The following SMPD3 variants were observed in gnomAD, a reference collection of about 807,000 sequenced individuals.
The protein encoded by SMPD3 is nSMase-2.
SMPD3 carries 21 observed loss-of-function variants against 55.7 expected under a neutral mutation model. The ratio of observed to expected loss-of-function variants is 0.38; its 90% CI spans 0.27 to 0.54. SMPD3 has a LOEUF of 0.54. Ranked by LOEUF, SMPD3 falls within the 20% of genes least tolerant of loss-of-function variation. The pLI is 0.80. For synonymous variants in SMPD3, 457 were observed against 404.3 expected (o/e 1.13, Z -1.56); for missense variants, 842 against 899.6 (o/e 0.94, Z 0.82).
At chr16:68,420,987 G>C (rs2152024362) in intron 1 of SMPD3, among the ~76,000 whole-genome samples, 1 of 152,274 alleles carries the variant, frequency 6.6e-6, no homozygotes, top group Admixed American at 6.5e-5. Context: ...AAAATCATTT[G>C]TGGAGAAAAG....
intron 1 of SMPD3, among the ~76,000 whole-genome samples, chr16:68,444,972 G>A (rs989402462): frequency 6.6e-6 from 1 of 152,234 alleles, no homozygotes; most frequent in African/African-American, 2.4e-5. Flanking sequence ...CCTTTGCAGA[G>A]CTGCAGAGCT....
chr16:68,405,894 G>A (rs1003455468), intron 1 of SMPD3, among the ~76,000 whole-genome samples: 7 of 152,182 alleles, frequency 4.6e-5, no homozygotes, highest in Non-Finnish European at 7.3e-5. Context: ...CAGAGCTGTC[G>A]TCCGCCCTTA....
intron 1 of SMPD3, among the ~76,000 whole-genome samples, chr16:68,408,514 A>T: frequency 6.6e-6 from 1 of 152,232 alleles, no homozygotes; most frequent in Non-Finnish European, 1.5e-5. Flanking sequence ...TGAGAAGTAA[A>T]GCCTGGGCAA....
In SMPD3 at chr16:68,358,512, G is replaced by T. The variant is rs1200706378; in HGVS notation, c.*2694C>A. On this transcript the variant is annotated 3_prime_UTR_variant, in exon 9 of 9. Transcript: ENST00000219334. ...CAAAACCATAGGTGTGCTTACCATA[G>T]AAAACCCCTAATGTCCCATGAAGAT... The T allele has an allele frequency of 6.6e-6, 1 of 152,556 alleles. No homozygotes were observed. 9.5% of individuals were successfully genotyped at this position (152,556 alleles called of 1,614,324 possible). A position where few individuals can be genotyped will look rare whatever the true frequency, so the allele number is the denominator to read the frequency against.
chr16:68,364,972 A>T (rs141322661), intron 4 of SMPD3, 45 bp downstream of exon 4: 1 of 1,613,942 alleles, frequency 6.2e-7, no homozygotes, highest in Admixed American at 1.7e-5. Flanking sequence ...GGCCCCAGGC[A>T]CTGATCCCAT....
chr16:68,365,935 C>T (rs113099758), intron 3 of SMPD3, among the ~76,000 whole-genome samples: 5 of 152,324 alleles, frequency 3.3e-5, no homozygotes, highest in Admixed American at 1.3e-4. Flanking sequence ...GTGCTCAGCC[C>T]AGGAGAGGTG....
intron 3 of SMPD3, chr16:68,368,069 TACTTC>T (rs994086217): frequency 2.6e-5 from 4 of 152,270 alleles, no homozygotes; most frequent in African/African-American, 7.2e-5. Flanking sequence ...CAGCCCCACG[TACTTC>T]ACTTCTCCGC....
At chr16:68,443,803 T>C (rs937689167) in intron 1 of SMPD3, among the ~76,000 whole-genome samples, 1 of 152,252 alleles carries the variant, frequency 6.6e-6, no homozygotes, top group African/African-American at 2.4e-5. Flanking sequence ...AATAATCCAA[T>C]AGTTCAGTTT....
intron 1 of SMPD3, among the ~76,000 whole-genome samples, chr16:68,390,591 T>G (rs967804616): frequency 6.6e-6 from 1 of 151,986 alleles, no homozygotes; most frequent in Non-Finnish European, 1.5e-5. Flanking sequence ...AGCCCAGGAG[T>G]TCAAGGCTGC....
intron 1 of SMPD3, among the ~76,000 whole-genome samples, chr16:68,396,962 A>C (rs2090162719): frequency 6.6e-6 from 1 of 152,186 alleles, no homozygotes; most frequent in Non-Finnish European, 1.5e-5. Context: ...TGTGCCAGGC[A>C]CTGTGTTCAG....
chr16:68,435,567 A>C (rs2090516950), intron 1 of SMPD3, among the ~76,000 whole-genome samples: 1 of 147,018 alleles, frequency 6.8e-6, no homozygotes, highest in African/African-American at 2.5e-5. Flanking sequence ...ACAGACAGGA[A>C]GGGCTGGGGC....
At chr16:68,366,877 A>G (rs1463783438) in intron 3 of SMPD3, among the ~76,000 whole-genome samples, 4 of 152,064 alleles carry the variant, frequency 2.6e-5, no homozygotes, top group Admixed American at 2.6e-4. Flanking sequence ...GCGTGGTGGT[A>G]TGTGCCTGTA....
intron 7 of SMPD3, among the ~76,000 whole-genome samples, chr16:68,362,674 T>G (rs1350524216): frequency 6.6e-6 from 1 of 152,254 alleles, no homozygotes; most frequent in East Asian, 1.9e-4. Context: ...AAACATGGGC[T>G]TCCACAAGGT....
At chr16:68,399,239 G>C (rs2090186260) in intron 1 of SMPD3, among the ~76,000 whole-genome samples, 1 of 152,182 alleles carries the variant, frequency 6.6e-6, no homozygotes, top group Admixed American at 6.5e-5. Context: ...GCTGTGCAGT[G>C]AGGTCCCATT....
chr16:68,373,299 A>T, intron 2 of SMPD3, among the ~76,000 whole-genome samples: 1 of 152,232 alleles, frequency 6.6e-6, no homozygotes, highest in Non-Finnish European at 1.5e-5. Flanking sequence ...TCAGAGCTCC[A>T]CCTAGGCAAG....
At chr16:68,380,245 A>C (rs2089918452) in intron 2 of SMPD3, among the ~76,000 whole-genome samples, 1 of 152,258 alleles carries the variant, frequency 6.6e-6, no homozygotes, top group South Asian at 2.1e-4. Flanking sequence ...TATCTGCCAG[A>C]GTTTGCAAGG....
At position 68,359,531 on chromosome 16, in the gene SMPD3, T is replaced by C. The variant is rs2089107339; in HGVS notation, c.*1675A>G. ...GTCTGCCCCAGCACAGGGCCAGGCATCTGGCTGGCTGCGTGGCCCCCTCTT... is the reference window on the plus strand; with the variant it reads ...GTCTGCCCCAGCACAGGGCCAGGCACCTGGCTGGCTGCGTGGCCCCCTCTT... On this transcript the variant is annotated 3_prime_UTR_variant, in exon 9 of 9. Transcript: ENST00000219334. The C allele has an allele frequency of 6.5e-6, 1 of 152,750 alleles. No homozygotes were observed. Among genetic ancestry groups the C allele is most frequent in the Admixed American group, 6.5e-5 (1 of 15,286 alleles). 9.5% of individuals were successfully genotyped at this position (152,750 alleles called of 1,614,324 possible).
intron 1 of SMPD3, among the ~76,000 whole-genome samples, chr16:68,411,275 G>A (rs1490080306): frequency 6.6e-6 from 1 of 152,254 alleles, no homozygotes; most frequent in Non-Finnish European, 1.5e-5. Flanking sequence ...AACTCCTTGG[G>A]CACTTGGCAC....
At chr16:68,439,368 G>T (rs566820674) in intron 1 of SMPD3, among the ~76,000 whole-genome samples, 43 of 152,294 alleles carry the variant, frequency 2.8e-4, no homozygotes, top group African/African-American at 1.0e-3. Context: ...CTGGGGAAGG[G>T]TTCTCAAAAC....
Sources: gnomAD v4.1 joint callset for allele counts (sites outside exome capture counted in the v4.1 genomes callset) on GRCh38, gnomAD v4.1.1 for gene constraint, MANE v1.5 for transcripts, NCBI Gene and HGNC (gene_info 2026-07-23, HGNC 2026-07-21) for gene names.